The following PTTG1IP2 variants were observed in gnomAD, a reference collection of about 807,000 sequenced individuals.
PTTG1IP2 encodes PTTG1IP family member 2.
At chr7:90,470,594 G>C (rs1797672063) in intron 1 of PTTG1IP2, among the ~76,000 whole-genome samples, 2 of 152,176 alleles carry the variant, frequency 1.3e-5, no homozygotes, top group African/African-American at 4.8e-5. Context: ...GAGTAGAAAA[G>C]AATGTTAGTA....
intron 1 of PTTG1IP2, among the ~76,000 whole-genome samples, chr7:90,470,839 C>A (rs955348632): frequency 1.1e-4 from 17 of 151,942 alleles, no homozygotes; most frequent in Non-Finnish European, 2.2e-4. Context: ...CTTCTCCCAA[C>A]AAACAGCACC....
chr7:90,475,052 G>A (rs767776635), intron 1 of PTTG1IP2, among the ~76,000 whole-genome samples: 1 of 152,184 alleles, frequency 6.6e-6, no homozygotes, highest in South Asian at 2.1e-4. Flanking sequence ...CAGCAGGAAC[G>A]TCAGTATGGC....
At chr7:90,503,992 T>C (rs547702147) in intron 6 of PTTG1IP2, among the ~76,000 whole-genome samples, 44 of 152,138 alleles carry the variant, frequency 2.9e-4, no homozygotes, top group African/African-American at 1.0e-3. Context: ...ATGCCTATAA[T>C]TGAAAAATGG....
At position 90,500,958 on chromosome 7, in the gene PTTG1IP2, A is replaced by G. The variant is rs190018633; in HGVS notation, c.*50+6528A>G. ...AGGGTTTAGAAATGTTCAATTATTC[A>G]TTAAGAGCATACTCCTCCTTTACTT... On this transcript the variant is annotated intron_variant, in intron 6 of 6. Transcript: ENST00000509356. Among the ~76,000 whole-genome samples, 9 of 152,358 alleles carry G rather than the reference A, an allele frequency of 5.9e-5. No homozygotes were observed. The East Asian group carries it at 1.7e-3, about 29-fold the overall frequency.
At chr7:90,481,552 A>G (rs772418108) in intron 2 of PTTG1IP2, among the ~76,000 whole-genome samples, 2 of 152,120 alleles carry the variant, frequency 1.3e-5, no homozygotes, top group Non-Finnish European at 2.9e-5. Context: ...TTCATCTCCA[A>G]TTTTATGGAA....
At chr7:90,470,647 G>T (rs577297878) in intron 1 of PTTG1IP2, among the ~76,000 whole-genome samples, 41 of 152,274 alleles carry the variant, frequency 2.7e-4, no homozygotes, top group African/African-American at 9.9e-4. Context: ...CAAATCCACA[G>T]TTCTCAGCGT....
intron 2 of PTTG1IP2, among the ~76,000 whole-genome samples, chr7:90,479,896 T>A (rs938357046): frequency 2.6e-5 from 4 of 152,210 alleles, no homozygotes; most frequent in African/African-American, 9.6e-5. Flanking sequence ...AAGGGCACAC[T>A]CTGGTAGTTG....
intron 1 of PTTG1IP2, among the ~76,000 whole-genome samples, chr7:90,472,131 G>T (rs527950432): frequency 6.6e-6 from 1 of 152,084 alleles, no homozygotes; most frequent in South Asian, 2.1e-4. Flanking sequence ...ATCATGGTAA[G>T]GTGGTTAGGA....
At position 90,508,491 on chromosome 7, in the gene PTTG1IP2, G is replaced by A. The variant is rs114235882; in HGVS notation, c.*51-4787G>A. 8.5e-3 allele frequency among the ~76,000 whole-genome samples: 1,296 copies of A among 152,098 alleles called. 27 individuals carry two copies. Among genetic ancestry groups the A allele is most frequent in the African/African-American group, 0.03 (1,237 of 41,486 alleles). On this transcript the variant is annotated intron_variant, in intron 6 of 6. Coordinates refer to ENST00000509356, the MANE Select transcript of PTTG1IP2 (RefSeq NM_001365443.2). ...GAAATTTTCAGGGGAGGACATTTTC[G>A]GGGGAGGAATCAGAATAAACAGTAG...
intron 6 of PTTG1IP2, among the ~76,000 whole-genome samples, chr7:90,505,510 G>C (rs1258423324): frequency 1.3e-5 from 2 of 152,218 alleles, no homozygotes; most frequent in Non-Finnish European, 2.9e-5. Context: ...GCAGGCCAGA[G>C]CCTAATGAAC....
Position 90,497,696 on chromosome 7 carries a change from G to C in PTTG1IP2, c.*50+3266G>C, listed in dbSNP as rs1798010827. ...CATACCACTGTACTCCAGCCTGAGC[G>C]ACAGAGAAAGACCCTGTATAAAAAA... is the stretch of plus-strand genomic sequence containing the variant. On this transcript the variant is annotated intron_variant, in intron 6 of 6. Coordinates refer to ENST00000509356, the MANE Select transcript of PTTG1IP2 (RefSeq NM_001365443.2). 4.6e-5 allele frequency among the ~76,000 whole-genome samples: 5 copies of C among 109,624 alleles called. No homozygotes were observed. The Admixed American group carries it at 7.0e-4, about 15-fold the overall frequency. The allele number at this position is 109,624 out of a possible 152,430, so 71.9% of individuals were successfully genotyped here.
At chr7:90,508,692 A>G (rs892007956) in intron 6 of PTTG1IP2, among the ~76,000 whole-genome samples, 1 of 152,254 alleles carries the variant, frequency 6.6e-6, no homozygotes, top group African/African-American at 2.4e-5. Flanking sequence ...TTGAAACCTT[A>G]CAACAATCCC....
chr7:90,507,945 T>G (rs903494769), intron 6 of PTTG1IP2, among the ~76,000 whole-genome samples: 30 of 152,058 alleles, frequency 2.0e-4, no homozygotes, highest in African/African-American at 7.2e-4. Flanking sequence ...GCCCTTGAGA[T>G]AAGTATAAGT....
intron 1 of PTTG1IP2, among the ~76,000 whole-genome samples, chr7:90,477,899 C>A (rs2116052531): frequency 6.6e-6 from 1 of 151,866 alleles, no homozygotes; most frequent in South Asian, 2.1e-4. Flanking sequence ...AGATCGAGAC[C>A]ATCCTGGCTA....
intron 5 of PTTG1IP2, among the ~76,000 whole-genome samples, chr7:90,493,334 A>G (rs991267320): frequency 2.0e-4 from 31 of 152,200 alleles, no homozygotes; most frequent in Admixed American, 2.0e-3. Context: ...AGACCTTGTT[A>G]TGTAGAAATT....
intron 4 of PTTG1IP2, among the ~76,000 whole-genome samples, chr7:90,492,033 A>G (rs1797944569): frequency 6.6e-6 from 1 of 152,182 alleles, no homozygotes; most frequent in African/African-American, 2.4e-5. Context: ...TAGGTGGCTG[A>G]GGAACAAGAA....
In PTTG1IP2 at chr7:90,481,893, A is replaced by G. The variant is rs17866893; in HGVS notation, c.192+2619A>G. On this transcript the variant is annotated intron_variant, in intron 2 of 6. Transcript: ENST00000509356. ...GAATTAACTCTTGAGCCATTCAAAG[A>G]AGGGTAAATTAATTCAGTATACTCT... 2.5e-3 allele frequency among the ~76,000 whole-genome samples: 379 copies of G among 152,276 alleles called. 1 individual carries two copies. Among genetic ancestry groups the G allele is most frequent in the African/African-American group, 8.1e-3 (338 of 41,564 alleles).
At chr7:90,508,288 AAAG>A (rs146723282) in intron 6 of PTTG1IP2, among the ~76,000 whole-genome samples, 51,453 of 148,334 alleles carry the variant, frequency 0.35, 9,800 homozygotes, top group Non-Finnish European at 0.45. Context: ...AAAGAAAAGA[AAAG>A]AAAAAATATT....
At chr7:90,497,730 A>G in intron 6 of PTTG1IP2, among the ~76,000 whole-genome samples, 1 of 147,358 alleles carries the variant, frequency 6.8e-6, no homozygotes, top group Admixed American at 6.8e-5. Flanking sequence ...AAAAAAAAAA[A>G]AAAAAAAAAA....
Sources: gnomAD v4.1 joint callset for allele counts (sites outside exome capture counted in the v4.1 genomes callset) on GRCh38, gnomAD v4.1.1 for gene constraint, MANE v1.5 for transcripts, NCBI Gene and HGNC (gene_info 2026-07-23, HGNC 2026-07-21) for gene names.